EFCAB6: variants seen among roughly 807,000 people sequenced by gnomAD.
EFCAB6 encodes EF-hand calcium-binding domain-containing protein 6.
A neutral mutation model predicts 169.8 loss-of-function variants in EFCAB6; 156 were observed. That is an observed-to-expected ratio of 0.92 (90% confidence interval 0.81 to 1.05). EFCAB6 has a LOEUF of 1.05. Ranked by LOEUF, EFCAB6 falls within the 50% of genes least tolerant of loss-of-function variation. The pLI is 0.00. For synonymous variants in EFCAB6, 698 were observed against 676.4 expected, an observed-to-expected ratio of 1.03 and a Z score of -0.50; for missense variants, 1,800 against 1,829.1, an observed-to-expected ratio of 0.98 and a Z score of 0.29.
intron 2 of EFCAB6, among the ~76,000 whole-genome samples, chr22:43,801,091 C>A (rs959433085): frequency 6.6e-6 from 1 of 151,448 alleles, no homozygotes; most frequent in South Asian, 2.1e-4. Context: ...GGAAAAAAAA[C>A]AAATAACATA....
chr22:43,644,303 C>T (rs1211942381), intron 17 of EFCAB6, among the ~76,000 whole-genome samples: 7 of 152,072 alleles, frequency 4.6e-5, no homozygotes, highest in Admixed American at 3.3e-4. Context: ...GGGGAGCACA[C>T]GCCATCCACT....
intron 17 of EFCAB6, among the ~76,000 whole-genome samples, chr22:43,665,840 T>G (rs1447471728): frequency 6.6e-6 from 1 of 152,202 alleles, no homozygotes; most frequent in African/African-American, 2.4e-5. Flanking sequence ...CAGGCTGGAG[T>G]GCAGTGGCAC....
intron 7 of EFCAB6, among the ~76,000 whole-genome samples, chr22:43,733,552 A>C (rs2060027904): frequency 6.6e-6 from 1 of 152,166 alleles, no homozygotes; most frequent in Non-Finnish European, 1.5e-5. Flanking sequence ...TGCTGCCTAA[A>C]TGGAACAGGT....
intron 17 of EFCAB6, among the ~76,000 whole-genome samples, chr22:43,662,586 TG>T (rs1329179171): frequency 6.6e-6 from 1 of 152,118 alleles, no homozygotes; most frequent in South Asian, 2.1e-4. Context: ...CTATACTAAT[TG>T]GGGTTACACA....
chr22:43,624,931 A>G (rs768262910), intron 20 of EFCAB6, among the ~76,000 whole-genome samples: 1 of 152,218 alleles, frequency 6.6e-6, no homozygotes, highest in Non-Finnish European at 1.5e-5. Flanking sequence ...AACTTTCTCC[A>G]GAGAATTTTT....
At chr22:43,748,058 T>C (rs190888211) in intron 6 of EFCAB6, among the ~76,000 whole-genome samples, 7 of 152,284 alleles carry the variant, frequency 4.6e-5, no homozygotes, top group Admixed American at 2.0e-4. Flanking sequence ...AATAACCACA[T>C]GGTGTCCCCA....
intron 27 of EFCAB6, among the ~76,000 whole-genome samples, chr22:43,549,514 T>C (rs2048263709): frequency 6.6e-6 from 1 of 152,214 alleles, no homozygotes; most frequent in Admixed American, 6.5e-5. Context: ...AATGGCTTTA[T>C]AATCCTGAAA....
intron 6 of EFCAB6, among the ~76,000 whole-genome samples, chr22:43,741,783 A>G (rs2060379915): frequency 6.6e-6 from 1 of 151,866 alleles, no homozygotes; most frequent in African/African-American, 2.4e-5. Context: ...TGGCTTTCCT[A>G]ATTATCCCTC....
chr22:43,587,140 G>A (rs1281566288), intron 24 of EFCAB6, among the ~76,000 whole-genome samples: 1 of 152,130 alleles, frequency 6.6e-6, no homozygotes, highest in East Asian at 1.9e-4. Context: ...AAAAGACTGG[G>A]AAGCAAGCAG....
intron 24 of EFCAB6, among the ~76,000 whole-genome samples, chr22:43,586,608 G>T (rs2051092559): frequency 6.6e-6 from 1 of 152,066 alleles, no homozygotes; most frequent in Admixed American, 6.5e-5. Flanking sequence ...GGGTAAAAGT[G>T]TATGAGAATA....
intron 17 of EFCAB6, among the ~76,000 whole-genome samples, chr22:43,653,771 C>A (rs1264107690): frequency 6.6e-6 from 1 of 152,044 alleles, no homozygotes; most frequent in Non-Finnish European, 1.5e-5. Context: ...TCTAGTGGCC[C>A]TGTCTTTGGA....
intron 20 of EFCAB6, among the ~76,000 whole-genome samples, chr22:43,621,121 C>CTCTG (rs2054088165): frequency 2.7e-5 from 4 of 149,900 alleles, no homozygotes; most frequent in Non-Finnish European, 4.4e-5. Context: ...CAGAGTCTCA[C>CTCTG]TCTGTCACCC....
intron 1 of EFCAB6, among the ~76,000 whole-genome samples, chr22:43,811,841 C>T (rs1309901442): frequency 6.6e-6 from 1 of 152,144 alleles, no homozygotes; most frequent in African/African-American, 2.4e-5. Flanking sequence ...TAGGGCGTTT[C>T]CACACACATT....
At chr22:43,693,304 C>T (rs1305029683) in intron 10 of EFCAB6, among the ~76,000 whole-genome samples, 1 of 151,684 alleles carries the variant, frequency 6.6e-6, no homozygotes, top group Non-Finnish European at 1.5e-5. Flanking sequence ...CTCTATGTAC[C>T]TTCAATATGC....
intron 6 of EFCAB6, among the ~76,000 whole-genome samples, chr22:43,738,553 T>G (rs539651458): frequency 1.3e-5 from 2 of 150,750 alleles, no homozygotes; most frequent in South Asian, 2.1e-4. Flanking sequence ...GTGCATATAC[T>G]CACATGCACA....
chr22:43,656,655 C>A lies in EFCAB6; in HGVS notation c.1983+10449G>T, dbSNP rs535277613. ...CGGTATAATACCATGCTGTACAGAT[C>A]TGTAGCCTGAAAGCAATAGGTTATA... On this transcript the variant is annotated intron_variant, in intron 17 of 31. Coordinates refer to ENST00000262726, the MANE Select transcript of EFCAB6 (RefSeq NM_022785.4). Among the ~76,000 whole-genome samples the A allele has an allele frequency of 2.6e-5, 4 of 152,152 alleles. No individual in the cohort carries two copies. In the East Asian group the frequency reaches 7.7e-4, roughly 29 times the overall value.
chr22:43,573,484 C>T (rs1209621597), intron 26 of EFCAB6, among the ~76,000 whole-genome samples: 1 of 151,978 alleles, frequency 6.6e-6, no homozygotes, highest in Non-Finnish European at 1.5e-5. Context: ...GTAATCCCAG[C>T]ACTTTGGGAG....
intron 10 of EFCAB6, among the ~76,000 whole-genome samples, chr22:43,700,309 G>T (rs769848884): frequency 6.7e-6 from 1 of 150,280 alleles, no homozygotes; most frequent in South Asian, 2.2e-4. Context: ...AGCTCAAAAA[G>T]ATATCTGTTT....
intron 20 of EFCAB6, among the ~76,000 whole-genome samples, chr22:43,618,354 C>A (rs55838518): frequency 0.11 from 17,435 of 151,748 alleles, 1,339 homozygotes; most frequent in South Asian, 0.22. Context: ...CTTTGACAGC[C>A]GCATGAAGAC....
Sources: gnomAD v4.1 joint callset for allele counts (sites outside exome capture counted in the v4.1 genomes callset) on GRCh38, gnomAD v4.1.1 for gene constraint, MANE v1.5 for transcripts, NCBI Gene and HGNC (gene_info 2026-07-23, HGNC 2026-07-21) for gene names.